INPP5F: variants seen among roughly 807,000 people sequenced by gnomAD.
The protein encoded by INPP5F is inositol polyphosphate-5-phosphatase F.
Under a neutral mutation model 137.2 loss-of-function variants are expected in INPP5F, and 97 were observed. The ratio of observed to expected loss-of-function variants is 0.71; its 90% CI spans 0.60 to 0.84. INPP5F has a LOEUF of 0.84. Ranked by LOEUF, INPP5F falls within the 40% of genes least tolerant of loss-of-function variation. The pLI is 0.00. For missense variants in INPP5F, 1,271 were observed against 1,371.9 expected (o/e 0.93, Z 1.16); for synonymous variants, 504 against 476.9 (o/e 1.06, Z -0.74).
At chr10:119,741,643 T>A (rs536228148) in intron 1 of INPP5F, among the ~76,000 whole-genome samples, 24 of 152,364 alleles carry the variant, frequency 1.6e-4, no homozygotes, top group African/African-American at 5.3e-4. Context: ...CAAGCCGTTC[T>A]CTTGCCTCAG....
chr10:119,800,725 C>G (rs1232792138), intron 9 of INPP5F, among the ~76,000 whole-genome samples: 2 of 151,900 alleles, frequency 1.3e-5, no homozygotes, highest in Non-Finnish European at 2.9e-5. Flanking sequence ...ACTCAACACA[C>G]CAGAATGGCT....
chr10:119,795,141 C>T (rs969323128), intron 6 of INPP5F, among the ~76,000 whole-genome samples: 2 of 147,924 alleles, frequency 1.4e-5, no homozygotes, highest in Admixed American at 6.6e-5. Flanking sequence ...GACCCCCCCA[C>T]CTCCCTCCCA....
In INPP5F at chr10:119,827,790, A is replaced by AT; in HGVS notation, c.*11dup. 1 of 1,563,418 alleles carries AT rather than the reference A, an allele frequency of 6.4e-7. No individual in the cohort carries two copies. Among genetic ancestry groups the AT allele is most frequent in the East Asian group, 2.2e-5 (1 of 44,618 alleles). ...GATAATTCAGATTTAGCTTTTAGCCATAAGAATCCTTCCATGGCTTTTATT... is the reference window on the plus strand; with the variant it reads ...GATAATTCAGATTTAGCTTTTAGCCATTAAGAATCCTTCCATGGCTTTTATT... On this transcript the variant is annotated 3_prime_UTR_variant, in exon 20 of 20. Coordinates refer to ENST00000650623, the MANE Select transcript of INPP5F (RefSeq NM_014937.4).
intron 15 of INPP5F, among the ~76,000 whole-genome samples, chr10:119,812,205 G>A (rs982682089): frequency 1.3e-5 from 2 of 152,164 alleles, no homozygotes; most frequent in East Asian, 1.9e-4. Flanking sequence ...AATTCAAATT[G>A]CCAAACTACA....
At chr10:119,824,182 A>C (rs1349350253) in intron 19 of INPP5F, among the ~76,000 whole-genome samples, 1 of 152,156 alleles carries the variant, frequency 6.6e-6, no homozygotes, top group Non-Finnish European at 1.5e-5. Context: ...ACTTATAACC[A>C]TAGACCATTT....
At chr10:119,753,525 G>A (rs993851192) in intron 2 of INPP5F, among the ~76,000 whole-genome samples, 3 of 152,162 alleles carry the variant, frequency 2.0e-5, no homozygotes, top group Non-Finnish European at 4.4e-5. Flanking sequence ...TGCCTGGGTG[G>A]TCTTAGTTCT....
chr10:119,814,443 T>TA (rs1166503020), intron 15 of INPP5F: 1 of 152,166 alleles, frequency 6.6e-6, no homozygotes, highest in Admixed American at 6.5e-5. Context: ...AAGAATAACT[T>TA]ACCATGAGTC....
chr10:119,804,345 G>A lies in INPP5F; in HGVS notation c.1241+48G>A, dbSNP rs567026589. On this transcript the variant is annotated intron_variant, in intron 10 of 19. Transcript: ENST00000650623. ...GTGTTGATCAATTGCAGTGTTTTTG[G>A]TAGATGCTGCCACAGGGACCTTAGT... 1.4e-4 allele frequency: 209 copies of A among 1,470,396 alleles called. 3 individuals carry two copies. The South Asian group carries it at 2.8e-3, about 20-fold the overall frequency. 91.1% of individuals were successfully genotyped at this position (1,470,396 alleles called of 1,614,324 possible).
At chr10:119,730,854 C>T (rs1848041645) in intron 1 of INPP5F, among the ~76,000 whole-genome samples, 1 of 151,042 alleles carries the variant, frequency 6.6e-6, no homozygotes, top group Middle Eastern at 3.4e-3. Flanking sequence ...GTGGCGTGAT[C>T]TTGGCGCACT....
chr10:119,762,382 AGCTCTCCTGGGTCTCTTTTATAAG>A (rs1276505765), intron 2 of INPP5F, among the ~76,000 whole-genome samples: 2 of 152,012 alleles, frequency 1.3e-5, no homozygotes, highest in African/African-American at 4.8e-5. Flanking sequence ...GGCGTGAGGG[AGCTCTCCTGGGTCTCTTTTATAAG>A]GGCACTAATC....
intron 3 of INPP5F, among the ~76,000 whole-genome samples, chr10:119,790,735 A>G (rs1220443935): frequency 6.6e-6 from 1 of 152,244 alleles, no homozygotes; most frequent in Non-Finnish European, 1.5e-5. Context: ...TATTGTTAAC[A>G]GAATTTGTGT....
intron 3 of INPP5F, among the ~76,000 whole-genome samples, chr10:119,788,933 A>G (rs1030472061): frequency 6.6e-6 from 1 of 152,180 alleles, no homozygotes; most frequent in Non-Finnish European, 1.5e-5. Context: ...CTCTTAAAGA[A>G]TGATTTTGTT....
chr10:119,734,439 A>G (rs1455997009), intron 1 of INPP5F, among the ~76,000 whole-genome samples: 4 of 152,178 alleles, frequency 2.6e-5, no homozygotes, highest in Non-Finnish European at 5.9e-5. Context: ...TTCTTAGGGT[A>G]ATGAGTTTGG....
At chr10:119,809,093 T>A (rs1331349315) in intron 13 of INPP5F, among the ~76,000 whole-genome samples, 1 of 151,974 alleles carries the variant, frequency 6.6e-6, no homozygotes, top group Non-Finnish European at 1.5e-5. Flanking sequence ...CATGGTGGCG[T>A]GCGCCTGTAA....
At chr10:119,786,526 C>T (rs1336964358) in intron 3 of INPP5F, among the ~76,000 whole-genome samples, 2 of 152,212 alleles carry the variant, frequency 1.3e-5, no homozygotes, top group Non-Finnish European at 2.9e-5. Flanking sequence ...CTAACATACT[C>T]ACTGGAAATG....
chr10:119,821,867 T>TC (rs1263537929), intron 16 of INPP5F, among the ~76,000 whole-genome samples: 12 of 141,866 alleles, frequency 8.5e-5, no homozygotes, highest in African/African-American at 3.2e-4. Flanking sequence ...GTAGTTGCTT[T>TC]TTTTTTTTTT....
chr10:119,827,925 T>A lies in INPP5F; in HGVS notation c.*145T>A, dbSNP rs1011654420. ...GTTTTAAACGGAGTCGGAACCTGAG[T>A]AGATTTCCAAATTTTACAGCCAGGA... On this transcript the variant is annotated 3_prime_UTR_variant, in exon 20 of 20. Transcript: ENST00000650623. 3.0e-6 allele frequency: 2 copies of A among 655,872 alleles called. No homozygotes were observed. Among genetic ancestry groups the A allele is most frequent in the Admixed American group, 3.0e-5 (1 of 33,622 alleles). The allele number at this position is 655,872 out of a possible 1,614,324, so 40.6% of individuals were successfully genotyped here. A position where few individuals can be genotyped will look rare whatever the true frequency, so the allele number is the denominator to read the frequency against.
At chr10:119,826,310 G>A (rs1851755819) in intron 19 of INPP5F, among the ~76,000 whole-genome samples, 1 of 152,168 alleles carries the variant, frequency 6.6e-6, no homozygotes, top group African/African-American at 2.4e-5. Flanking sequence ...TATTGAATTA[G>A]TCCAAAAAGG....
chr10:119,726,754 T>G (rs370593081), intron 1 of INPP5F, among the ~76,000 whole-genome samples: 10 of 152,378 alleles, frequency 6.6e-5, no homozygotes, highest in East Asian at 3.9e-4. Flanking sequence ...AGTTCTGGGT[T>G]CGAATTCCGA....
Sources: allele counts gnomAD v4.1 joint callset (sites outside exome capture counted in the v4.1 genomes callset), GRCh38; gene constraint gnomAD v4.1.1; transcripts MANE v1.5; gene names NCBI Gene and HGNC (gene_info 2026-07-23, HGNC 2026-07-21).